CFAP97: variants seen among roughly 807,000 people sequenced by gnomAD.
CFAP97 encodes cilia and flagella associated protein 97, also known as cilia- and flagella-associated protein 97.
Under a neutral mutation model 43.1 loss-of-function variants are expected in CFAP97, and 36 were observed. The ratio of observed to expected loss-of-function variants is 0.84; its 90% CI spans 0.64 to 1.10. CFAP97 has a LOEUF of 1.10. Ranked by LOEUF, CFAP97 falls within the 50% of genes least tolerant of loss-of-function variation. The pLI is 0.00. For missense variants in CFAP97, 657 were observed against 620.3 expected (o/e 1.06, Z -0.63); for synonymous variants, 228 against 225.7 (o/e 1.01, Z -0.09).
chr4:185,171,793 G>A (rs1735313816), intron 3 of CFAP97, among the ~76,000 whole-genome samples: 1 of 152,186 alleles, frequency 6.6e-6, no homozygotes, highest in Non-Finnish European at 1.5e-5. Context: ...GGAGGCAGAG[G>A]TGGAGTGATC....
chr4:185,190,054 T>C (rs1736162521), intron 2 of CFAP97, 89 bp downstream of exon 2: 2 of 1,007,416 alleles, frequency 2.0e-6, no homozygotes, highest in Non-Finnish European at 2.8e-6. Flanking sequence ...AAAAAATATC[T>C]ACTAGATCAA....
At chr4:185,206,268 C>T (rs1737184117), upstream of CFAP97, among the ~76,000 whole-genome samples, 1 of 152,174 alleles carries the variant, frequency 6.6e-6, no homozygotes, top group Admixed American at 6.5e-5. Context: ...TATCAACAGA[C>T]AGATGAAGCA....
chr4:185,193,100 G>C (rs1736375644), intron 1 of CFAP97, among the ~76,000 whole-genome samples: 1 of 152,046 alleles, frequency 6.6e-6, no homozygotes, highest in African/African-American at 2.4e-5. Flanking sequence ...TCGCAGGCAG[G>C]GGACTGCATT....
At chr4:185,193,142 G>A (rs1394197657) in intron 1 of CFAP97, among the ~76,000 whole-genome samples, 1 of 152,146 alleles carries the variant, frequency 6.6e-6, no homozygotes, top group Non-Finnish European at 1.5e-5. Context: ...TCAGCTTATT[G>A]TTGCCAGAAA....
intron 3 of CFAP97, chr4:185,170,382 A>T (rs1735250263): frequency 8.5e-6 from 4 of 468,702 alleles, no homozygotes; most frequent in Admixed American, 3.9e-5. Context: ...GTATACTAGC[A>T]GACAAAGCAC....
upstream of CFAP97, among the ~76,000 whole-genome samples, chr4:185,206,386 G>A (rs1737187242): frequency 6.6e-6 from 1 of 152,128 alleles, no homozygotes; most frequent in Non-Finnish European, 1.5e-5. Flanking sequence ...AATGGAAGAT[G>A]TATGCCGGGC....
intron 2 of CFAP97, among the ~76,000 whole-genome samples, chr4:185,188,512 T>C (rs1231718431): frequency 2.6e-5 from 4 of 152,080 alleles, no homozygotes. Flanking sequence ...TCGGCTCATT[T>C]TTTGTATTAT....
intron 2 of CFAP97, among the ~76,000 whole-genome samples, chr4:185,178,955 G>A (rs1735670240): frequency 6.6e-6 from 1 of 152,144 alleles, no homozygotes; most frequent in Non-Finnish European, 1.5e-5. Flanking sequence ...AGCACCAGTG[G>A]TTTATTTTAC....
chr4:185,185,508 T>G (rs543568998), intron 2 of CFAP97, among the ~76,000 whole-genome samples: 2 of 152,106 alleles, frequency 1.3e-5, no homozygotes, highest in Non-Finnish European at 2.9e-5. Context: ...TAGCAAAAAA[T>G]AGTATTTTAG....
chr4:185,160,833 A>G lies in CFAP97; in HGVS notation c.*1965T>C, dbSNP rs866150482. The G allele has an allele frequency of 4.7e-5, 7 of 147,888 alleles. No individual in the cohort carries two copies. Among genetic ancestry groups the G allele is most frequent in the Non-Finnish European group, 9.0e-5 (6 of 66,944 alleles). 9.2% of individuals were successfully genotyped at this position (147,888 alleles called of 1,614,324 possible). The stretch of plus-strand genomic sequence containing the variant: ...AACAGAAAAGACTATATATAAATAT[A>G]TAATCTTTATATATATATAAAAATC... On this transcript the variant is annotated 3_prime_UTR_variant, in exon 5 of 5. Coordinates refer to ENST00000458385, the MANE Select transcript of CFAP97 (RefSeq NM_020827.3).
At chr4:185,179,666 T>G (rs928390877) in intron 2 of CFAP97, among the ~76,000 whole-genome samples, 1 of 152,166 alleles carries the variant, frequency 6.6e-6, no homozygotes, top group Non-Finnish European at 1.5e-5. Flanking sequence ...AACACAGCAC[T>G]GGGTTGACTG....
chr4:185,178,393 G>A (rs990160817), intron 2 of CFAP97, among the ~76,000 whole-genome samples: 15 of 151,588 alleles, frequency 9.9e-5, no homozygotes, highest in African/African-American at 3.6e-4. Flanking sequence ...GATTACAGGC[G>A]CCCACTACCA....
intron 3 of CFAP97, among the ~76,000 whole-genome samples, chr4:185,173,797 A>G (rs891372709): frequency 6.6e-6 from 1 of 152,184 alleles, no homozygotes; most frequent in Non-Finnish European, 1.5e-5. Context: ...AACGTTTTAG[A>G]AATAGATGGT....
At chr4:185,191,916 A>C (rs1466618664) in intron 1 of CFAP97, among the ~76,000 whole-genome samples, 1 of 151,746 alleles carries the variant, frequency 6.6e-6, no homozygotes, top group Non-Finnish European at 1.5e-5. Context: ...GGATAGAGTT[A>C]AAAAAAAACT....
At position 185,186,267 on chromosome 4, in the gene CFAP97, T is replaced by C. The variant is rs150995744; in HGVS notation, c.1054+3876A>G. On this transcript the variant is annotated intron_variant, in intron 2 of 4. Coordinates refer to ENST00000458385, the MANE Select transcript of CFAP97 (RefSeq NM_020827.3). The stretch of plus-strand genomic sequence containing the variant: ...GACCAACATGGTGAAACCCCGTCTC[T>C]ACTAAAAATACAAAAATTAGCCAGG... Among the ~76,000 whole-genome samples the C allele has an allele frequency of 9.8e-3, 1,489 of 152,202 alleles. 27 individuals are homozygous for C. Among genetic ancestry groups the C allele is most frequent in the African/African-American group, 0.035 (1,435 of 41,510 alleles).
Position 185,175,876 on chromosome 4 carries a change from T to C in CFAP97, c.1230A>G (p.Thr410=). The C allele has an allele frequency of 6.2e-7, 1 of 1,613,970 alleles. No homozygotes were observed. The part of the protein sequence containing the change: ...RQAEKPGSKS[T]IPRSADHPPK... ...GGGGATGATCAGCCGATCTAGGAAT[T>C]GTACTTTTGCTTCCCGGCTTTTCCG... is the stretch of plus-strand genomic sequence containing the variant. The change falls in exon 3 of 5, where the codon ACA becomes ACG. Residue 410 remains threonine (T), a synonymous_variant. Transcript: ENST00000458385.
intron 2 of CFAP97, among the ~76,000 whole-genome samples, chr4:185,176,869 T>G (rs1735570212): frequency 6.6e-6 from 1 of 152,226 alleles, no homozygotes; most frequent in Admixed American, 6.5e-5. Context: ...AGATGCTGGA[T>G]TTATAAATCT....
upstream of CFAP97, among the ~76,000 whole-genome samples, chr4:185,207,188 C>T (rs1280625473): frequency 6.7e-6 from 1 of 148,270 alleles, no homozygotes; most frequent in Non-Finnish European, 1.5e-5. Context: ...GTCAAATTGA[C>T]ACCTAAATTT....
chr4:185,199,310 G>C (rs1736711522), intron 1 of CFAP97, among the ~76,000 whole-genome samples: 1 of 152,144 alleles, frequency 6.6e-6, no homozygotes, highest in Non-Finnish European at 1.5e-5. Context: ...GAGGCAGGTT[G>C]CAGTGAGCCG....
Sources: gnomAD v4.1 joint callset for allele counts (sites outside exome capture counted in the v4.1 genomes callset) on GRCh38, gnomAD v4.1.1 for gene constraint, MANE v1.5 for transcripts, NCBI Gene and HGNC (gene_info 2026-07-23, HGNC 2026-07-21) for gene names.